NPAS3: variants seen among roughly 807,000 people sequenced by gnomAD.
The protein encoded by NPAS3 is neuronal PAS domain-containing protein 3.
Under a neutral mutation model 73.1 loss-of-function variants are expected in NPAS3, and 14 were observed. That is an observed-to-expected ratio of 0.19 (90% CI 0.13 to 0.30). The LOEUF (loss-of-function observed/expected upper bound fraction) is 0.30. Among genes scored for constraint, NPAS3 ranks in the 10% least tolerant of loss-of-function variants. The probability of loss-of-function intolerance (pLI) is 1.00; values close to 1 mark genes in which losing one functional copy is unlikely to be tolerated. For missense variants in NPAS3, 1,096 were observed against 1,250.0 expected, an observed-to-expected ratio of 0.88 and a Z score of 1.86; for synonymous variants, 620 against 541.5, an observed-to-expected ratio of 1.14 and a Z score of -2.01.
intron 11 of NPAS3, among the ~76,000 whole-genome samples, chr14:33,798,741 C>T (rs1477717729): frequency 2.0e-5 from 3 of 152,138 alleles, no homozygotes; most frequent in Admixed American, 6.5e-5. Context: ...AATTGGTAGT[C>T]TCTGCCCCTT....
At chr14:33,514,306 C>A (rs1050534981) in intron 4 of NPAS3, among the ~76,000 whole-genome samples, 1 of 151,958 alleles carries the variant, frequency 6.6e-6, no homozygotes, top group African/African-American at 2.4e-5. Context: ...CTAAATCCAA[C>A]CTCCTATCCC....
At chr14:33,079,609 C>CTTTTTTTTTTTT (rs34920021) in intron 2 of NPAS3, among the ~76,000 whole-genome samples, 1 of 56,044 alleles carries the variant, frequency 1.8e-5, no homozygotes, top group Non-Finnish European at 3.0e-5. Flanking sequence ...TGAGCCAGGC[C>CTTTTTTTTTTTT]TTTTTTTTTT....
intron 3 of NPAS3, among the ~76,000 whole-genome samples, chr14:33,216,575 G>T (rs1212549006): frequency 2.6e-5 from 4 of 152,180 alleles, no homozygotes; most frequent in African/African-American, 4.8e-5. Context: ...TAGAGCAACA[G>T]TTGGCAAACA....
At chr14:33,641,017 G>T (rs1030570128) in intron 5 of NPAS3, among the ~76,000 whole-genome samples, 6 of 151,950 alleles carry the variant, frequency 3.9e-5, no homozygotes, top group Non-Finnish European at 7.3e-5. Context: ...AGGATAACGG[G>T]TGATTTTTTA....
intron 3 of NPAS3, among the ~76,000 whole-genome samples, chr14:33,274,823 G>A (rs565799619): frequency 4.6e-5 from 7 of 152,226 alleles, no homozygotes; most frequent in African/African-American, 9.6e-5. Flanking sequence ...GTGCCTCCCC[G>A]TAAGGAAATA....
Position 33,709,856 on chromosome 14 carries a change from A to G in NPAS3, c.734-25358A>G, listed in dbSNP as rs561561248. ...ATCCCCCATGCATGTAGGATGGTTGATATGTATCATGCTGGGATTTTTACA... is the reference window on the plus strand; with the variant it reads ...ATCCCCCATGCATGTAGGATGGTTGGTATGTATCATGCTGGGATTTTTACA... On this transcript the variant is annotated intron_variant, in intron 6 of 11. Transcript: ENST00000356141. Among the ~76,000 whole-genome samples the G allele has an allele frequency of 1.4e-4, 21 of 152,266 alleles. No homozygotes were observed. In the East Asian group the frequency reaches 1.5e-3, roughly 11 times the overall value.
chr14:33,237,360 C>G (rs974916115), intron 3 of NPAS3, among the ~76,000 whole-genome samples: 4 of 152,086 alleles, frequency 2.6e-5, no homozygotes, highest in African/African-American at 9.7e-5. Context: ...CTTATGCACT[C>G]AAGGCATCAC....
chr14:33,389,427 AAATATTTATGTT>A (rs1483894542), intron 4 of NPAS3, among the ~76,000 whole-genome samples: 1 of 152,150 alleles, frequency 6.6e-6, no homozygotes, highest in African/African-American at 2.4e-5. Context: ...ATCACCCTCA[AAATATTTATGTT>A]ATTAGAAACA....
At chr14:33,253,427 C>T (rs1334751847) in intron 3 of NPAS3, among the ~76,000 whole-genome samples, 1 of 151,978 alleles carries the variant, frequency 6.6e-6, no homozygotes, top group Non-Finnish European at 1.5e-5. Context: ...ATTTAGCACA[C>T]GTCAGTTTTT....
At chr14:33,616,966 G>T (rs1281357912) in intron 5 of NPAS3, among the ~76,000 whole-genome samples, 1 of 152,186 alleles carries the variant, frequency 6.6e-6, no homozygotes, top group East Asian at 1.9e-4. Context: ...CATACCAGCT[G>T]TGCCAGCAAC....
chr14:33,721,767 T>G (rs191993405), intron 6 of NPAS3, among the ~76,000 whole-genome samples: 66 of 152,318 alleles, frequency 4.3e-4, no homozygotes, highest in African/African-American at 1.5e-3. Flanking sequence ...AACATGAGGA[T>G]AAGCACTACG....
At chr14:33,494,477 T>C (rs1449773410) in intron 4 of NPAS3, among the ~76,000 whole-genome samples, 2 of 152,116 alleles carry the variant, frequency 1.3e-5, no homozygotes, top group Non-Finnish European at 2.9e-5. Flanking sequence ...ATCTTGTGTT[T>C]GGAACCTCAG....
At chr14:33,246,720 T>C (rs573475383) in intron 3 of NPAS3, among the ~76,000 whole-genome samples, 1 of 150,698 alleles carries the variant, frequency 6.6e-6, no homozygotes, top group Non-Finnish European at 1.5e-5. Flanking sequence ...AGGCCGGGCA[T>C]GGTGGCTCAG....
intron 7 of NPAS3, among the ~76,000 whole-genome samples, chr14:33,745,624 A>G (rs1422367670): frequency 6.6e-6 from 1 of 152,230 alleles, no homozygotes; most frequent in East Asian, 1.9e-4. Context: ...TAGACTATAC[A>G]AAACCTTAAT....
At chr14:33,187,862 ACTTCTT>A (rs1006170819) in intron 2 of NPAS3, among the ~76,000 whole-genome samples, 1 of 152,174 alleles carries the variant, frequency 6.6e-6, no homozygotes, top group African/African-American at 2.4e-5. Flanking sequence ...GGATGTTGTT[ACTTCTT>A]CTTGTTACCT....
intron 2 of NPAS3, among the ~76,000 whole-genome samples, chr14:33,139,026 T>G (rs1054594717): frequency 3.3e-5 from 5 of 152,222 alleles, no homozygotes; most frequent in African/African-American, 4.8e-5. Context: ...TTCTTCATGA[T>G]AGAGATTTTC....
chr14:33,456,374 G>A (rs1406257210), intron 4 of NPAS3, among the ~76,000 whole-genome samples: 2 of 152,236 alleles, frequency 1.3e-5, no homozygotes, highest in East Asian at 3.9e-4. Flanking sequence ...GCAGGTAGTT[G>A]ATTTGTTGAC....
intron 6 of NPAS3, among the ~76,000 whole-genome samples, chr14:33,728,218 A>G (rs9635157): frequency 0.38 from 57,425 of 152,072 alleles, 11,767 homozygotes; most frequent in East Asian, 0.54. Flanking sequence ...CATGCATTAC[A>G]ATTCTCATTC....
intron 3 of NPAS3, among the ~76,000 whole-genome samples, chr14:33,281,544 A>G (rs1048473892): frequency 6.6e-6 from 1 of 152,186 alleles, no homozygotes; most frequent in Non-Finnish European, 1.5e-5. Context: ...AGGCAGGAGA[A>G]TCACTTGAAC....
Sources: gnomAD v4.1 joint callset for allele counts (sites outside exome capture counted in the v4.1 genomes callset) on GRCh38, gnomAD v4.1.1 for gene constraint, MANE v1.5 for transcripts, NCBI Gene and HGNC (gene_info 2026-07-23, HGNC 2026-07-21) for gene names.